Variants in NRAP observed in about 807,000 individuals in gnomAD.
NRAP encodes nebulin related anchoring protein.
Under a neutral mutation model 225.9 loss-of-function variants are expected in NRAP, and 189 were observed. That is an observed-to-expected ratio of 0.84 (90% CI 0.74 to 0.94). NRAP has a LOEUF of 0.94. NRAP is among the 40% of genes least tolerant of loss of function. The pLI is 0.00. For synonymous variants in NRAP, 769 were observed against 790.7 expected, an observed-to-expected ratio of 0.97 and a Z score of 0.46; for missense variants, 2,176 against 2,168.7, an observed-to-expected ratio of 1.00 and a Z score of -0.07.
rs755006364 is a variant in NRAP, at chr10:113,663,839, G to T, written c.44C>A (p.Pro15His). 5 of 1,613,700 alleles carry T rather than the reference G, an allele frequency of 3.1e-6. No individual in the cohort carries two copies. In the South Asian group the frequency reaches 5.5e-5, roughly 18 times the overall value. The change falls in exon 1 of 42, where the codon CCT becomes CAT. Residue 15 changes from proline (P) to histidine (H), a missense_variant. This residue lies in a region of NRAP where 1,708 missense variants were observed against 1,695.5 expected (regional missense o/e 1.01). Transcript: ENST00000359988. ...PCSRCGYGVY[P>H]AEKISCIDQI... ...ATCTATACAGCTGATCTTCTCGGCAGGATAAACCCCATACCCACACCTAGA... is the reference window on the plus strand; with the variant it reads ...ATCTATACAGCTGATCTTCTCGGCATGATAAACCCCATACCCACACCTAGA...
At chr10:113,617,819 A>ATTT (rs766152278) in intron 25 of NRAP, among the ~76,000 whole-genome samples, 162 of 152,350 alleles carry the variant, frequency 1.1e-3, no homozygotes, top group Non-Finnish European at 2.0e-3. Context: ...ATACTGTAGG[A>ATTT]TACACACTTA....
At position 113,654,098 on chromosome 10, in the gene NRAP, C is replaced by T. The variant is rs201483708; in HGVS notation, c.388G>A (p.Gly130Arg). Residue 130 changes from glycine to arginine, a missense_variant, in exon 5 of 42, where the codon GGG (glycine) becomes AGG (arginine). By Grantham distance (125) the Gly-to-Arg change is moderately radical (BLOSUM62 -2). This residue lies in a region of NRAP where 1,708 missense variants were observed against 1,695.5 expected (regional missense o/e 1.01). Transcript: ENST00000359988. ...ERAYWTGYGE[G>R]NAWCPGALPD... ...AGAGCTCCTGGGCACCAAGCATTCC[C>T]TTCCCCATATCCAGTCCAATAGGCT... is the stretch of plus-strand genomic sequence containing the variant. 77 of 1,613,278 alleles carry T rather than the reference C, an allele frequency of 4.8e-5. 2 individuals are homozygous for T. In the Middle Eastern group the frequency reaches 4.9e-4, roughly 10 times the overall value.
chr10:113,603,587 C>T (rs559390576), intron 35 of NRAP, among the ~76,000 whole-genome samples: 3 of 152,218 alleles, frequency 2.0e-5, no homozygotes, highest in African/African-American at 4.8e-5. Context: ...TGAGAGTCGG[C>T]GGTGGTTACA....
intron 12 of NRAP, among the ~76,000 whole-genome samples, chr10:113,642,681 A>G (rs1171753514): frequency 2.0e-5 from 3 of 152,168 alleles, no homozygotes. Flanking sequence ...TGCTGCACAC[A>G]AGGGAAGCAA....
At chr10:113,606,571 A>T (rs1846978782) in intron 32 of NRAP, among the ~76,000 whole-genome samples, 1 of 152,248 alleles carries the variant, frequency 6.6e-6, no homozygotes, top group African/African-American at 2.4e-5. Context: ...GGTTCCTTAT[A>T]TCGTAGACTT....
In NRAP at chr10:113,634,126, G is replaced by A. The variant is rs1317731414; in HGVS notation, c.1513C>T (p.Gln505Ter). The A allele has an allele frequency of 1.2e-6, 2 of 1,612,544 alleles. No homozygotes were observed. Among genetic ancestry groups the A allele is most frequent in the East Asian group, 2.2e-5 (1 of 44,878 alleles). ...PQIVQAKINA[Q>*]QLSHVNYRAD... ...CAGTTACTTACATGACTCAGCTGCT[G>A]GGCATTGATTTTGGCTTGAACAATC... Residue 505 changes from glutamine (Q) to a stop codon, truncating the protein, a stop_gained, in exon 15 of 42, where the codon CAG becomes TAG. Coordinates refer to ENST00000359988, the MANE Select transcript of NRAP (RefSeq NM_198060.4). LOFTEE classifies it high-confidence loss of function.
In NRAP at chr10:113,604,595, A is replaced by G. The variant is rs767711357; in HGVS notation, c.4227+14T>C. 6.9e-6 allele frequency: 11 copies of G among 1,604,948 alleles called. No individual in the cohort carries two copies. The highest frequency in any genetic ancestry group is 7.7e-6 in the Non-Finnish European group (9 of 1,173,074). On this transcript the variant is annotated intron_variant, in intron 35 of 41. Coordinates refer to ENST00000359988, the MANE Select transcript of NRAP (RefSeq NM_198060.4). ...GGCTGGGGGCTGGTTTGCATTCCAC[A>G]AGGCCACCCCTACCTCACTCTGCAG...
chr10:113,642,875 G>T, intron 12 of NRAP, 59 bp downstream of exon 12: 1 of 868,664 alleles, frequency 1.2e-6, no homozygotes, highest in Non-Finnish European at 2.0e-6. Flanking sequence ...CCTCTTAGGA[G>T]ACCTAAAGAC....
At chr10:113,651,709 C>A in intron 7 of NRAP, 94 bp downstream of exon 7, 2 of 720,618 alleles carry the variant, frequency 2.8e-6, no homozygotes, top group Admixed American at 2.2e-5. Context: ...GATACATGCA[C>A]GTGTATGTTC....
chr10:113,593,544 T>C (rs1186332773), intron 38 of NRAP, among the ~76,000 whole-genome samples: 1 of 152,192 alleles, frequency 6.6e-6, no homozygotes, highest in Non-Finnish European at 1.5e-5. Flanking sequence ...GCCCTGGAAA[T>C]GCAGAACCGT....
At chr10:113,630,327 G>T (rs1229600241) in intron 18 of NRAP, among the ~76,000 whole-genome samples, 1 of 152,172 alleles carries the variant, frequency 6.6e-6, no homozygotes, top group Admixed American at 6.5e-5. Flanking sequence ...TGGTGATGAT[G>T]ATGATAGTGA....
At chr10:113,651,965 T>A (rs2134166794) in intron 6 of NRAP, 58 bp from the exon 7 acceptor site, 1 of 1,058,928 alleles carries the variant, frequency 9.4e-7, no homozygotes, top group South Asian at 1.3e-5. Flanking sequence ...CTCAGTGACC[T>A]CTCCCTGTGG....
intron 9 of NRAP, among the ~76,000 whole-genome samples, chr10:113,647,500 T>TC (rs1849598135): frequency 1.3e-5 from 2 of 150,642 alleles, no homozygotes; most frequent in Admixed American, 1.3e-4. Flanking sequence ...TGGTACTGCC[T>TC]CCCCAAGTGG....
At position 113,614,218 on chromosome 10, in the gene NRAP, C is replaced by T. The variant is rs1356030353; in HGVS notation, c.3265G>A (p.Ala1089Thr). The T allele has an allele frequency of 4.3e-6, 7 of 1,613,992 alleles. No homozygotes were observed. The East Asian group carries it at 1.6e-4, about 36-fold the overall frequency. ...AGTGAGGTCGCATACACTGAATGTGCAAGGCTGATATCATCTTCCAAGCTC... is the reference window on the plus strand; with the variant it reads ...AGTGAGGTCGCATACACTGAATGTGTAAGGCTGATATCATCTTCCAAGCTC... ...SRSLEDDISL[A>T]HSVYATSLQS... The change falls in exon 29 of 42, where the codon GCA becomes ACA. Residue 1089 changes from alanine (A) to threonine (T), a missense_variant. By Grantham distance (58) the Ala-to-Thr change is moderately conservative. Transcript: ENST00000359988.
intron 9 of NRAP, among the ~76,000 whole-genome samples, chr10:113,648,672 C>T (rs1056428894): frequency 6.6e-6 from 1 of 152,006 alleles, no homozygotes; most frequent in African/African-American, 2.4e-5. Flanking sequence ...CATGCCCTGG[C>T]GAGTCATGCT....
chr10:113,629,866 T>A, intron 18 of NRAP, 81 bp from the exon 19 acceptor site: 1 of 984,260 alleles, frequency 1.0e-6, no homozygotes, highest in East Asian at 2.5e-5. Context: ...CAGGAAAGAT[T>A]TCCGGGCTTT....
At chr10:113,607,258 C>T (rs1258768826) in intron 32 of NRAP, among the ~76,000 whole-genome samples, 9 of 150,196 alleles carry the variant, frequency 6.0e-5, no homozygotes, top group Admixed American at 2.0e-4. Flanking sequence ...AAAAATTAGC[C>T]GGGCATGGTG....
At position 113,591,384 on chromosome 10, in the gene NRAP, A is replaced by G. The variant is rs576633501; in HGVS notation, c.4645-495T>C. ...TACATTTCCAATGCATCAAAGACCC[A>G]TGTATGGTCCTATTGCATGTGGCTA... On this transcript the variant is annotated intron_variant, in intron 39 of 41. Transcript: ENST00000359988. Among the ~76,000 whole-genome samples, 4 of 152,302 alleles carry G rather than the reference A, an allele frequency of 2.6e-5. No individual in the cohort carries two copies. The South Asian group carries it at 6.2e-4, about 24-fold the overall frequency.
chr10:113,643,321 A>G (rs1849315681), intron 11 of NRAP, among the ~76,000 whole-genome samples: 1 of 152,242 alleles, frequency 6.6e-6, no homozygotes, highest in Non-Finnish European at 1.5e-5. Flanking sequence ...AACTGGTTTT[A>G]CAACTCAGGT....
Sources: allele counts gnomAD v4.1 joint callset (sites outside exome capture counted in the v4.1 genomes callset), GRCh38; gene constraint gnomAD v4.1.1; regional missense constraint gnomAD v4.1.1; transcripts MANE v1.5; gene names NCBI Gene and HGNC (gene_info 2026-07-23, HGNC 2026-07-21).